The following CYB5A variants were observed in gnomAD, a reference collection of about 807,000 sequenced individuals.
CYB5A encodes cytochrome b5.
CYB5A carries 10 observed loss-of-function variants against 16.2 expected under a neutral mutation model. The observed-to-expected ratio is 0.62, with a 90% CI of 0.38 to 1.04. The LOEUF is 1.04. Among genes scored for constraint, CYB5A ranks in the 50% least tolerant of loss-of-function variants. The probability of loss-of-function intolerance (pLI) is 0.01; values close to 1 mark genes in which losing one functional copy is unlikely to be tolerated. For missense variants in CYB5A, 161 were observed against 165.9 expected (o/e 0.97, Z 0.16); for synonymous variants, 62 against 57.0 (o/e 1.09, Z -0.40).
chr18:74,254,151 G>C (rs1281452400), intron 4 of CYB5A, among the ~76,000 whole-genome samples: 1 of 152,192 alleles, frequency 6.6e-6, no homozygotes, highest in Non-Finnish European at 1.5e-5. Context: ...CTGCACTCCA[G>C]CCTGTGTGAT....
At chr18:74,261,602 T>C (rs1237590012) in intron 2 of CYB5A, 2 of 153,002 alleles carry the variant, frequency 1.3e-5, no homozygotes, top group African/African-American at 2.4e-5. Flanking sequence ...CAAATAAACT[T>C]GTCAGATGAA....
At chr18:74,272,352 G>A (rs1982700882) in intron 1 of CYB5A, among the ~76,000 whole-genome samples, 1 of 152,182 alleles carries the variant, frequency 6.6e-6, no homozygotes, top group South Asian at 2.1e-4. Context: ...ATGTGTAAGG[G>A]ATAAATATGT....
At chr18:74,256,791 C>A (rs202053517) in intron 3 of CYB5A, 239 of 1,603,346 alleles carry the variant, frequency 1.5e-4, no homozygotes, top group Non-Finnish European at 2.0e-4. Context: ...AGACCCCTTT[C>A]AGGGAAAAGC....
intron 2 of CYB5A, 22 bp from the exon 3 acceptor site, chr18:74,260,966 C>T (rs1176933932): frequency 6.2e-7 from 1 of 1,604,458 alleles, no homozygotes; most frequent in Non-Finnish European, 8.5e-7. Context: ...AGATAAGGCA[C>T]ATTATGGAAT....
At chr18:74,258,951 T>C (rs1314861723) in intron 3 of CYB5A, 2 of 152,198 alleles carry the variant, frequency 1.3e-5, no homozygotes, top group Non-Finnish European at 2.9e-5. Context: ...AAGACAAGCC[T>C]GGCCAACAAT....
intron 1 of CYB5A, among the ~76,000 whole-genome samples, chr18:74,291,296 G>C (rs886328065): frequency 1.3e-5 from 2 of 152,266 alleles, no homozygotes; most frequent in African/African-American, 2.4e-5. Flanking sequence ...CGCTATCCCC[G>C]GAAGGCTGCT....
chr18:74,283,928 T>C (rs1156306992), intron 1 of CYB5A, among the ~76,000 whole-genome samples: 11 of 151,988 alleles, frequency 7.2e-5, no homozygotes. Flanking sequence ...CCCCATAGGG[T>C]TGTTTTGAAG....
rs57747358 is a variant in CYB5A at position 74,276,528 on chromosome 18, G to GCACACACACACA, written c.130-13063_130-13052dup. ...GGTCTTACGAAGTACAAAAGATTCA[G>GCACACACACACA]CACACACACACACACACACACACAC... On this transcript the variant is annotated intron_variant, in intron 1 of 4. Coordinates refer to ENST00000340533, the MANE Select transcript of CYB5A (RefSeq NM_148923.4). 7.4e-4 allele frequency among the ~76,000 whole-genome samples: 108 copies of GCACACACACACA among 145,034 alleles called. 1 individual carries two copies. The highest frequency in any genetic ancestry group is 7.0e-3 in the Middle Eastern group (2 of 286).
chr18:74,291,962 T>C lies in CYB5A; in HGVS notation c.-87A>G. On this transcript the variant is annotated 5_prime_UTR_variant, in exon 1 of 5. Coordinates refer to ENST00000340533, the MANE Select transcript of CYB5A (RefSeq NM_148923.4). ...ACTCAGCCAGCTCCACCCGGGACAT[T>C]CCCCGCGCCGGGAACCCCACTGGGG... The C allele has an allele frequency of 6.3e-7, 1 of 1,594,010 alleles. No individual in the cohort carries two copies. The highest frequency in any genetic ancestry group is 8.5e-7 in the Non-Finnish European group (1 of 1,175,074).
In CYB5A at chr18:74,291,936, G is replaced by C; in HGVS notation, c.-61C>G. On this transcript the variant is annotated 5_prime_UTR_variant, in exon 1 of 5. Transcript: ENST00000340533. Reference sequence around the variant, plus strand: ...CCCCGTCGGGTGGAGCAGAGCGCGCGACTCAGCCAGCTCCACCCGGGACAT... The same window carrying C: ...CCCCGTCGGGTGGAGCAGAGCGCGCCACTCAGCCAGCTCCACCCGGGACAT... The C allele has an allele frequency of 6.2e-7, 1 of 1,602,146 alleles. No homozygotes were observed. The highest frequency in any genetic ancestry group is 8.5e-7 in the Non-Finnish European group (1 of 1,179,320).
At position 74,253,485 on chromosome 18, in the gene CYB5A, T is replaced by A; in HGVS notation, c.*99A>T. On this transcript the variant is annotated 3_prime_UTR_variant, in exon 5 of 5. Transcript: ENST00000340533. ...GAAAGAGATATATTAAAATCATTGT[T>A]TTCAAGTGAAGGTTTCTGTCAGTTG... The A allele has an allele frequency of 1.4e-6, 1 of 738,532 alleles. No homozygotes were observed. Among genetic ancestry groups the A allele is most frequent in the Non-Finnish European group, 2.4e-6 (1 of 410,448 alleles). 45.7% of individuals were successfully genotyped at this position (738,532 alleles called of 1,614,324 possible).
intron 3 of CYB5A, chr18:74,256,032 C>T (rs902769522): frequency 8.6e-6 from 4 of 467,528 alleles, no homozygotes; most frequent in African/African-American, 3.9e-5. Flanking sequence ...TAATATGCTA[C>T]ATAAAATATC....
rs73480489 is a variant in CYB5A at position 74,255,783 on chromosome 18, A to G, written c.289-8T>C. 5,245 of 1,607,786 alleles carry G rather than the reference A, an allele frequency of 3.3e-3. 135 individuals are homozygous for G. The African/African-American group carries it at 0.061, about 19-fold the overall frequency. ...AGTAGTGATAAGAGTTTCCTGAAAC[A>G]CGAGAGGAAAAAGTAAAGTAAGTTC... On this transcript the variant is annotated splice_region_variant and splice_polypyrimidine_tract_variant and intron_variant, in intron 3 of 4. Transcript: ENST00000340533.
chr18:74,261,928 GCAC>G (rs1262746706), intron 2 of CYB5A, among the ~76,000 whole-genome samples: 1 of 152,166 alleles, frequency 6.6e-6, no homozygotes, highest in Non-Finnish European at 1.5e-5. Context: ...TGCTAACCAT[GCAC>G]CACAAGTGGG....
chr18:74,282,228 G>T (rs1983139167), intron 1 of CYB5A, among the ~76,000 whole-genome samples: 1 of 152,190 alleles, frequency 6.6e-6, no homozygotes, highest in Non-Finnish European at 1.5e-5. Flanking sequence ...AGTAAGAAGA[G>T]ATCACACTAG....
chr18:74,265,406 C>T (rs1445533036), intron 1 of CYB5A, among the ~76,000 whole-genome samples: 2 of 152,144 alleles, frequency 1.3e-5, no homozygotes, highest in East Asian at 1.9e-4. Context: ...GGAGGTGATA[C>T]ATGGTACAGA....
At chr18:74,277,470 C>T (rs1982924677) in intron 1 of CYB5A, among the ~76,000 whole-genome samples, 1 of 152,204 alleles carries the variant, frequency 6.6e-6, no homozygotes, top group Admixed American at 6.5e-5. Flanking sequence ...CCTATGGGAC[C>T]CACAAACTCA....
In CYB5A at chr18:74,263,450, C is replaced by T. The variant is rs2145048461; in HGVS notation, c.157G>A (p.Glu53Lys). ...TCAGTAGCGTCACCTCCAGCTTGTTCCCTTAAAACTTCTTCCCCACCAGGA... is the reference window on the plus strand; with the variant it reads ...TCAGTAGCGTCACCTCCAGCTTGTTTCCTTAAAACTTCTTCCCCACCAGGA... ...EHPGGEEVLR[E>K]QAGGDATENF... The change falls in exon 2 of 5, where the codon GAA becomes AAA. Residue 53 changes from glutamate (E) to lysine (K), a missense_variant. Physicochemically the swap from Glu to Lys is moderately conservative, Grantham distance 56 (BLOSUM62 1). Transcript: ENST00000340533. The T allele has an allele frequency of 6.2e-7, 1 of 1,614,116 alleles. No individual in the cohort carries two copies. The highest frequency in any genetic ancestry group is 8.5e-7 in the Non-Finnish European group (1 of 1,180,006).
intron 1 of CYB5A, among the ~76,000 whole-genome samples, chr18:74,274,101 T>G (rs1160534858): frequency 6.6e-6 from 1 of 152,142 alleles, no homozygotes; most frequent in Non-Finnish European, 1.5e-5. Context: ...CACTTTCCCA[T>G]ACAAGAAAAA....
Sources: gnomAD v4.1 joint callset for allele counts (sites outside exome capture counted in the v4.1 genomes callset) on GRCh38, gnomAD v4.1.1 for gene constraint, MANE v1.5 for transcripts, NCBI Gene and HGNC (gene_info 2026-07-23, HGNC 2026-07-21) for gene names.